The following IMPG1 variants were observed in gnomAD, a reference collection of about 807,000 sequenced individuals.
IMPG1 encodes the protein interphotoreceptor matrix proteoglycan 1.
In IMPG1, 85 loss-of-function variants were observed where a neutral mutation model predicts 92.0. The ratio of observed to expected loss-of-function variants is 0.92; its 90% CI spans 0.78 to 1.11. IMPG1 has a LOEUF of 1.11. Ranked by LOEUF, IMPG1 falls within the 50% of genes least tolerant of loss-of-function variation. The pLI, the probability that IMPG1 is intolerant of heterozygous loss-of-function variation, is 0.00. For missense variants in IMPG1, 1,022 were observed against 956.0 expected (o/e 1.07, Z -0.91); for synonymous variants, 367 against 334.1 (o/e 1.10, Z -1.08).
rs1184869668 is a variant in IMPG1 at position 76,050,740 on chromosome 6, G to A, written c.68-8614C>T. On this transcript the variant is annotated intron_variant, in intron 1 of 16. Transcript: ENST00000369950. ...CTCTTTCTTGGCTACATATTCAAGT[G>A]GATACTTACCAACCTGTTTGGACCA... Among the ~76,000 whole-genome samples the A allele has an allele frequency of 2.0e-5, 3 of 152,130 alleles. No homozygotes were observed. The East Asian group carries it at 5.8e-4, about 29-fold the overall frequency.
At chr6:75,926,357 A>C (rs922973794) in intron 15 of IMPG1, among the ~76,000 whole-genome samples, 4 of 152,224 alleles carry the variant, frequency 2.6e-5, no homozygotes, top group African/African-American at 9.6e-5. Flanking sequence ...GTGGAGAAAG[A>C]GCTCCAAAGG....
At chr6:76,003,817 G>T in intron 11 of IMPG1, 57 bp downstream of exon 11, 1 of 1,233,676 alleles carries the variant, frequency 8.1e-7, no homozygotes, top group Non-Finnish European at 1.2e-6. Flanking sequence ...TTTGTTCTTT[G>T]GTGGAAGGTT....
At chr6:75,998,142 G>A (rs757473097) in intron 12 of IMPG1, among the ~76,000 whole-genome samples, 2 of 152,174 alleles carry the variant, frequency 1.3e-5, no homozygotes, top group Non-Finnish European at 2.9e-5. Flanking sequence ...GCCAAATACT[G>A]CTTCTAGAAC....
At chr6:76,064,959 T>C (rs1047846568) in intron 1 of IMPG1, among the ~76,000 whole-genome samples, 3 of 151,920 alleles carry the variant, frequency 2.0e-5, no homozygotes, top group Non-Finnish European at 2.9e-5. Context: ...TACCTACAAC[T>C]AAGGAACTCA....
chr6:75,947,216 T>G, intron 14 of IMPG1, 98 bp downstream of exon 14: 1 of 890,466 alleles, frequency 1.1e-6, no homozygotes, highest in South Asian at 1.6e-5. Context: ...TCAGTTTGAT[T>G]TTTGTGGCCT....
Position 76,005,380 on chromosome 6 carries a change from T to G in IMPG1, c.1042A>C (p.Ile348Leu). The G allele has an allele frequency of 6.2e-7, 1 of 1,614,072 alleles. No individual in the cohort carries two copies. ...GTMEEDKQPE[I>L]YLTATDLKRL... ...TTGAGGTCTGTAGCTGTGAGATAGA[T>G]TTCTGGTTGCTTGTCCTCCTCCATG... is the stretch of plus-strand genomic sequence containing the variant. The change falls in exon 10 of 17, where the codon ATC (isoleucine) becomes CTC (leucine). Residue 348 changes from isoleucine (I) to leucine (L), a missense_variant. Around this residue, in one of 3 missense-constraint regions of IMPG1, gnomAD observed 681 missense variants for 583.6 expected, o/e 1.17. Coordinates refer to ENST00000369950, the MANE Select transcript of IMPG1 (RefSeq NM_001563.4).
At chr6:75,929,790 T>C (rs537713582) in intron 15 of IMPG1, among the ~76,000 whole-genome samples, 14 of 152,242 alleles carry the variant, frequency 9.2e-5, no homozygotes, top group African/African-American at 3.1e-4. Context: ...AGCTGGACAT[T>C]TAGGCCTTTG....
intron 15 of IMPG1, among the ~76,000 whole-genome samples, chr6:75,930,746 C>A (rs1345784108): frequency 6.6e-6 from 1 of 152,172 alleles, no homozygotes; most frequent in Non-Finnish European, 1.5e-5. Flanking sequence ...CCTACCTGAG[C>A]CCCATCCAGA....
chr6:76,008,947 T>C (rs1562367985), intron 8 of IMPG1, among the ~76,000 whole-genome samples: 2 of 152,218 alleles, frequency 1.3e-5, no homozygotes, highest in Non-Finnish European at 2.9e-5. Flanking sequence ...GTTTGCATTT[T>C]CTAGAGTCTA....
intron 13 of IMPG1, among the ~76,000 whole-genome samples, chr6:75,949,219 C>T (rs1316592947): frequency 1.3e-5 from 2 of 152,148 alleles, no homozygotes. Flanking sequence ...CATTCCCAGA[C>T]AGTTAAGTCA....
intron 14 of IMPG1, 22 bp downstream of exon 14, chr6:75,947,292 T>C (rs753658284): frequency 6.4e-7 from 1 of 1,569,736 alleles, no homozygotes; most frequent in South Asian, 1.1e-5. Flanking sequence ...TCTCTACCAC[T>C]TTCTGGGTTG....
intron 7 of IMPG1, among the ~76,000 whole-genome samples, chr6:76,016,123 A>G (rs994850628): frequency 2.6e-4 from 39 of 152,220 alleles, no homozygotes; most frequent in Admixed American, 1.9e-3. Flanking sequence ...AGTGTTAGCT[A>G]TTATGTCTAT....
At chr6:75,979,265 G>A (rs1782589767) in intron 12 of IMPG1, among the ~76,000 whole-genome samples, 1 of 152,094 alleles carries the variant, frequency 6.6e-6, no homozygotes, top group Non-Finnish European at 1.5e-5. Context: ...TCCTCAATAA[G>A]GCTGACATTG....
At chr6:75,998,095 A>C (rs761094316) in intron 12 of IMPG1, among the ~76,000 whole-genome samples, 3 of 152,204 alleles carry the variant, frequency 2.0e-5, no homozygotes, top group Non-Finnish European at 2.9e-5. Flanking sequence ...TGAATGACAA[A>C]TTTTGGCAAT....
chr6:75,994,479 A>G (rs1033380279), intron 12 of IMPG1, among the ~76,000 whole-genome samples: 1 of 152,200 alleles, frequency 6.6e-6, no homozygotes, highest in African/African-American at 2.4e-5. Flanking sequence ...ACTGCTCATA[A>G]AGACATATCT....
At chr6:75,934,521 A>T (rs539747664) in intron 14 of IMPG1, among the ~76,000 whole-genome samples, 1 of 152,174 alleles carries the variant, frequency 6.6e-6, no homozygotes, top group African/African-American at 2.4e-5. Flanking sequence ...ATCAAAAAGC[A>T]TTTAAATGAT....
At chr6:76,066,818 T>C (rs1344198143) in intron 1 of IMPG1, among the ~76,000 whole-genome samples, 1 of 152,066 alleles carries the variant, frequency 6.6e-6, no homozygotes, top group Non-Finnish European at 1.5e-5. Flanking sequence ...CAAGAATCAA[T>C]AAATTTAAAT....
chr6:75,973,715 C>T (rs1260630621), intron 12 of IMPG1, among the ~76,000 whole-genome samples: 1 of 152,182 alleles, frequency 6.6e-6, no homozygotes, highest in Non-Finnish European at 1.5e-5. Flanking sequence ...ACTACTGAGG[C>T]TAGGGTGGTG....
intron 15 of IMPG1, among the ~76,000 whole-genome samples, chr6:75,926,050 A>G (rs949614909): frequency 6.6e-6 from 1 of 152,028 alleles, no homozygotes; most frequent in Non-Finnish European, 1.5e-5. Context: ...TTCGGTTCCT[A>G]TTTGTCCTGG....
Sources: gnomAD v4.1 joint callset for allele counts (sites outside exome capture counted in the v4.1 genomes callset) on GRCh38, gnomAD v4.1.1 for gene constraint, gnomAD v4.1.1 regional missense constraint, MANE v1.5 for transcripts, NCBI Gene and HGNC (gene_info 2026-07-23, HGNC 2026-07-21) for gene names.